NR2F6: variants seen among roughly 807,000 people sequenced by gnomAD.
NR2F6 encodes nuclear receptor subfamily 2 group F member 6.
NR2F6 carries 16 observed loss-of-function variants against 26.5 expected under a neutral mutation model. That is an observed-to-expected ratio of 0.60 (90% CI 0.41 to 0.92). The LOEUF is 0.92. NR2F6 is among the 40% of genes least tolerant of loss of function. NR2F6 has a pLI of 0.00. For synonymous variants in NR2F6, 325 were observed against 305.0 expected (o/e 1.07, Z -0.68); for missense variants, 536 against 631.7 (o/e 0.85, Z 1.62).
intron 1 of NR2F6, among the ~76,000 whole-genome samples, 165 bp downstream of exon 1, chr19:17,244,778 A>G (rs2073487845): frequency 6.6e-6 from 1 of 152,124 alleles, no homozygotes; most frequent in African/African-American, 2.4e-5. Context: ...TGTATACACA[A>G]TCCCAGCCAT....
intron 1 of NR2F6, 40 bp downstream of exon 1, chr19:17,244,903 G>A: frequency 6.5e-7 from 1 of 1,548,124 alleles, no homozygotes; most frequent in Non-Finnish European, 8.7e-7. Flanking sequence ...CCCAGGTCGG[G>A]GCGGGGTGCA....
intron 1 of NR2F6, among the ~76,000 whole-genome samples, chr19:17,243,562 T>A (rs1482697529): frequency 6.6e-6 from 1 of 151,376 alleles, no homozygotes; most frequent in Non-Finnish European, 1.5e-5. Flanking sequence ...CCTAAAGATA[T>A]GACCAGAGAG....
At chr19:17,234,437 A>G (rs968465625) in intron 3 of NR2F6, among the ~76,000 whole-genome samples, 6 of 152,104 alleles carry the variant, frequency 3.9e-5, no homozygotes, top group Admixed American at 1.3e-4. Flanking sequence ...GCCCAAAACC[A>G]TATTTATCAA....
In NR2F6 at chr19:17,235,758, C is replaced by A; in HGVS notation, c.681G>T (p.Pro227=). The change falls in exon 3 of 4, where the codon CCG becomes CCT. Residue 227 remains proline (P), a synonymous_variant. Coordinates refer to ENST00000291442, the MANE Select transcript of NR2F6 (RefSeq NM_005234.4). The surrounding 1 kb of genome is among the most constrained non-coding windows in gnomAD (Gnocchi z 5.0). ...ARHAPFFPEL[P]VADQVALLRL... is the part of the protein sequence containing the mutation. Reference sequence around the variant, plus strand: ...GCAGCAGCGCCACCTGGTCGGCCACCGGCAGCTCGGGGAAGAAGGGCGCGT... The same window carrying A: ...GCAGCAGCGCCACCTGGTCGGCCACAGGCAGCTCGGGGAAGAAGGGCGCGT... 2.0e-6 allele frequency: 3 copies of A among 1,499,886 alleles called. No homozygotes were observed. The South Asian group carries it at 3.7e-5, about 19-fold the overall frequency. The allele number at this position is 1,499,886 out of a possible 1,614,324, so 92.9% of individuals were successfully genotyped here. A position where few individuals can be genotyped will look rare whatever the true frequency, so the allele number is the denominator to read the frequency against.
chr19:17,235,830 GCA>G lies in NR2F6; in HGVS notation c.607_608del (p.Cys203ArgfsTer122). On this transcript the variant is annotated frameshift_variant, in exon 3 of 4. Transcript: ENST00000291442. LOFTEE classifies it high-confidence loss of function. This position sits in a 1 kb window ranked among gnomAD's most constrained non-coding sequence, Gnocchi z 5.0. Reference sequence around the variant, plus strand: ...TGAAGAGCAGCCGCGCCGCCAGCTCGCACACGTTGTCGATGCCCAGCACCGCG... The same window carrying G: ...TGAAGAGCAGCCGCGCCGCCAGCTCGCACGTTGTCGATGCCCAGCACCGCG... ...AGAVLGIDNV[C>X]ELAARLLFST... The G allele has an allele frequency of 2.7e-6, 4 of 1,479,046 alleles. No homozygotes were observed. The highest frequency in any genetic ancestry group is 3.6e-6 in the Non-Finnish European group (4 of 1,123,570). The allele number at this position is 1,479,046 out of a possible 1,614,324, so 91.6% of individuals were successfully genotyped here.
rs1177317981 is a variant in NR2F6, at chr19:17,245,715, G to C, written c.-495C>G. 1 of 145,684 alleles carries C rather than the reference G, an allele frequency of 6.9e-6. No individual in the cohort carries two copies. The highest frequency in any genetic ancestry group is 2.0e-4 in the East Asian group (1 of 5,018). 9.0% of individuals were successfully genotyped at this position (145,684 alleles called of 1,614,324 possible). A position where few individuals can be genotyped will look rare whatever the true frequency, so the allele number is the denominator to read the frequency against. On this transcript the variant is annotated 5_prime_UTR_variant, in exon 1 of 4. Transcript: ENST00000291442. The surrounding 1 kb of genome is among the most constrained non-coding windows in gnomAD (Gnocchi z 5.0). ...GGGGAGGGGCGGCGGGTGCGCGCCG[G>C]GGCTGATCGCCGCGCCCCCTGGGTC...
Position 17,235,582 on chromosome 19 carries a change from T to C in NR2F6, c.857A>G (p.Gln286Arg), listed in dbSNP as rs1458140494. Residue 286 changes from glutamine (Q) to arginine (R), a missense_variant, in exon 3 of 4, where the codon CAG becomes CGG. By Grantham distance (43) the Gln-to-Arg change is conservative (BLOSUM62 1). Transcript: ENST00000291442. The surrounding 1 kb of genome is among the most constrained non-coding windows in gnomAD (Gnocchi z 5.0). Reference protein sequence around the residue: ...VAFMDQVRAFQEQVDKLGRLQ... With the variant: ...VAFMDQVRAFREQVDKLGRLQ... ...GCGGCCCAGCTTGTCCACCTGCTCC[T>C]GGAAGGCGCGCACCTGGTCCATGAA... The C allele has an allele frequency of 6.3e-7, 1 of 1,589,226 alleles. No homozygotes were observed. Among genetic ancestry groups the C allele is most frequent in the Non-Finnish European group, 8.5e-7 (1 of 1,175,310 alleles).
chr19:17,245,354 G>A lies in NR2F6; in HGVS notation c.-134C>T, dbSNP rs2073492936. Reference sequence around the variant, plus strand: ...GGCACGGGCTGCACCCCCCAAAAAAGTTTTGCAGCAACTTCCTGCGGCCGG... The same window carrying A: ...GGCACGGGCTGCACCCCCCAAAAAAATTTTGCAGCAACTTCCTGCGGCCGG... On this transcript the variant is annotated 5_prime_UTR_variant, in exon 1 of 4. Coordinates refer to ENST00000291442, the MANE Select transcript of NR2F6 (RefSeq NM_005234.4). This position sits in a 1 kb window ranked among gnomAD's most constrained non-coding sequence, Gnocchi z 5.0. 1 of 774,684 alleles carries A rather than the reference G, an allele frequency of 1.3e-6. No homozygotes were observed. The highest frequency in any genetic ancestry group is 1.8e-5 in the African/African-American group (1 of 54,140). 48.0% of individuals were successfully genotyped at this position (774,684 alleles called of 1,614,324 possible). A position where few individuals can be genotyped will look rare whatever the true frequency, so the allele number is the denominator to read the frequency against.
At chr19:17,239,711 C>T (rs1052908057) in intron 2 of NR2F6, among the ~76,000 whole-genome samples, 2 of 151,302 alleles carry the variant, frequency 1.3e-5, no homozygotes, top group Non-Finnish European at 2.9e-5. Context: ...CCCAGCTACT[C>T]GGGAGGCTGA....
Position 17,232,150 on chromosome 19 carries a change from A to T in NR2F6, c.*202T>A, listed in dbSNP as rs2073410692. 7 of 738,050 alleles carry T rather than the reference A, an allele frequency of 9.5e-6. No homozygotes were observed. Among genetic ancestry groups the T allele is most frequent in the Middle Eastern group, 4.0e-4 (1 of 2,498 alleles). 45.7% of individuals were successfully genotyped at this position (738,050 alleles called of 1,614,324 possible). A position where few individuals can be genotyped will look rare whatever the true frequency, so the allele number is the denominator to read the frequency against. On this transcript the variant is annotated 3_prime_UTR_variant, in exon 4 of 4. Transcript: ENST00000291442. The stretch of plus-strand genomic sequence containing the variant: ...AGGGGTCCTGGGGAGGATGAGGCTG[A>T]GGCCTGGATGATCAGTCTCTTTTTG...
intron 2 of NR2F6, among the ~76,000 whole-genome samples, chr19:17,236,551 C>G (rs1568316875): frequency 1.3e-5 from 2 of 152,154 alleles, no homozygotes; most frequent in Non-Finnish European, 2.9e-5. Flanking sequence ...AGCCTCCTAA[C>G]AGATAGTCAT....
At chr19:17,234,990 C>G (rs1158409823) in intron 3 of NR2F6, among the ~76,000 whole-genome samples, 1 of 152,266 alleles carries the variant, frequency 6.6e-6, no homozygotes, top group Non-Finnish European at 1.5e-5. Context: ...TGCCCCGCCC[C>G]TCAACGGGAG....
At position 17,235,761 on chromosome 19, in the gene NR2F6, C is replaced by G. The variant is rs1034639189; in HGVS notation, c.678G>C (p.Leu226=). The G allele has an allele frequency of 6.7e-7, 1 of 1,500,134 alleles. No individual in the cohort carries two copies. The highest frequency in any genetic ancestry group is 2.2e-5 in the Admixed American group (1 of 46,350). The allele number at this position is 1,500,134 out of a possible 1,614,324, so 92.9% of individuals were successfully genotyped here. ...WARHAPFFPE[L]PVADQVALLR... Reference sequence around the variant, plus strand: ...GCAGCGCCACCTGGTCGGCCACCGGCAGCTCGGGGAAGAAGGGCGCGTGGC... The same window carrying G: ...GCAGCGCCACCTGGTCGGCCACCGGGAGCTCGGGGAAGAAGGGCGCGTGGC... The change falls in exon 3 of 4, where the codon CTG becomes CTC. Residue 226 remains leucine (L), a synonymous_variant. Coordinates refer to ENST00000291442, the MANE Select transcript of NR2F6 (RefSeq NM_005234.4). This position sits in a 1 kb window ranked among gnomAD's most constrained non-coding sequence, Gnocchi z 5.0.
chr19:17,243,658 C>T (rs1482019960), intron 1 of NR2F6, among the ~76,000 whole-genome samples: 2 of 152,224 alleles, frequency 1.3e-5, no homozygotes, highest in African/African-American at 4.8e-5. Context: ...CTCTGCCACA[C>T]ATGGCCACAC....
At position 17,245,122 on chromosome 19, in the gene NR2F6, G is replaced by C. The variant is rs777356638; in HGVS notation, c.99C>G (p.Ala33=). Residue 33 remains alanine, a synonymous_variant, in exon 1 of 4, where the codon GCC becomes GCG. Transcript: ENST00000291442. The surrounding 1 kb of genome is among the most constrained non-coding windows in gnomAD (Gnocchi z 5.0). ...CGTCGCTGGCGGCACCGGGGGGCGA[G>C]GCCGAGTCGTCCTCGGCCGCGCGCG... is the stretch of plus-strand genomic sequence containing the variant. The part of the protein sequence containing the change: ...GYPRAAEDDS[A]SPPGAASDAE... 2.0e-6 allele frequency: 3 copies of C among 1,529,626 alleles called. No homozygotes were observed. Among genetic ancestry groups the C allele is most frequent in the Non-Finnish European group, 2.6e-6 (3 of 1,140,518 alleles). 94.8% of individuals were successfully genotyped at this position (1,529,626 alleles called of 1,614,324 possible).
At chr19:17,233,716 G>C (rs1292125804) in intron 3 of NR2F6, among the ~76,000 whole-genome samples, 1 of 151,904 alleles carries the variant, frequency 6.6e-6, no homozygotes, top group East Asian at 1.9e-4. Context: ...GGCTGGTCTT[G>C]AACTCCTGAC....
At position 17,235,822 on chromosome 19, in the gene NR2F6, G is replaced by A; in HGVS notation, c.617C>T (p.Ala206Val). ...VLGIDNVCEL[A>V]ARLLFSTVEW... ...CACGGTGCTGAAGAGCAGCCGCGCC[G>A]CCAGCTCGCACACGTTGTCGATGCC... The change falls in exon 3 of 4, where the codon GCG becomes GTG. Residue 206 changes from alanine to valine, a missense_variant. Ala to Val is a moderately conservative substitution (Grantham distance 64). Coordinates refer to ENST00000291442, the MANE Select transcript of NR2F6 (RefSeq NM_005234.4). This position sits in a 1 kb window ranked among gnomAD's most constrained non-coding sequence, Gnocchi z 5.0. The A allele has an allele frequency of 1.4e-6, 2 of 1,478,736 alleles. No homozygotes were observed. The highest frequency in any genetic ancestry group is 1.8e-6 in the Non-Finnish European group (2 of 1,123,510). 91.6% of individuals were successfully genotyped at this position (1,478,736 alleles called of 1,614,324 possible). A position where few individuals can be genotyped will look rare whatever the true frequency, so the allele number is the denominator to read the frequency against.
chr19:17,240,744 G>T lies in NR2F6; in HGVS notation c.300C>A (p.Ile100=). The T allele has an allele frequency of 1.9e-6, 3 of 1,614,122 alleles. No individual in the cohort carries two copies. Among genetic ancestry groups the T allele is most frequent in the Non-Finnish European group, 2.5e-6 (3 of 1,180,018 alleles). Residue 100 remains isoleucine (I), a synonymous_variant, in exon 2 of 4, where the codon ATC becomes ATA. Transcript: ENST00000291442. ...GGCACTGGTTCCGGTGGTGCTGGTC[G>T]ATCTGGCAGTCACGGTTGGACCTGG... ...YTCRSNRDCQ[I]DQHHRNQCQY... is the part of the protein sequence containing the mutation.
Position 17,233,814 on chromosome 19 carries a change from C to T in NR2F6, c.941-1188G>A, listed in dbSNP as rs576749441. ...CAAGGAGATGGGTTCTAAGGAAGCT[C>T]GCAGGGAAGGTGGGGCTGGGAAGGG... On this transcript the variant is annotated intron_variant, in intron 3 of 3. Coordinates refer to ENST00000291442, the MANE Select transcript of NR2F6 (RefSeq NM_005234.4). Among the ~76,000 whole-genome samples the T allele has an allele frequency of 5.3e-5, 8 of 151,904 alleles. No homozygotes were observed. In the East Asian group the frequency reaches 1.4e-3, roughly 26 times the overall value.
Sources: gnomAD v4.1 joint callset for allele counts (sites outside exome capture counted in the v4.1 genomes callset) on GRCh38, gnomAD v4.1.1 for gene constraint, Gnocchi (gnomAD v3.1) non-coding constraint, MANE v1.5 for transcripts, NCBI Gene and HGNC (gene_info 2026-07-23, HGNC 2026-07-21) for gene names.